The following AGAP1 variants were observed in gnomAD, a reference collection of about 807,000 sequenced individuals.
AGAP1 encodes the protein arf-GAP with GTPase, ANK repeat and PH domain-containing protein 1.
In AGAP1, 29 loss-of-function variants were observed where a neutral mutation model predicts 105.3. The observed-to-expected ratio is 0.28, with a 90% CI of 0.21 to 0.38. The LOEUF (loss-of-function observed/expected upper bound fraction) is 0.38. AGAP1 is among the 10% of genes least tolerant of loss of function. AGAP1 has a pLI of 1.00. For missense variants in AGAP1, 998 were observed against 1,165.1 expected (o/e 0.86, Z 2.09); for synonymous variants, 509 against 485.9 (o/e 1.05, Z -0.63).
rs538844082 is a variant in AGAP1 at position 235,843,034 on chromosome 2, G to A, written c.1050+35703G>A. Among the ~76,000 whole-genome samples, 5 of 152,336 alleles carry A rather than the reference G, an allele frequency of 3.3e-5. No individual in the cohort carries two copies. In the South Asian group the frequency reaches 8.3e-4, roughly 25 times the overall value. ...TAGCTGCCGTGCCCGGCCCGTGTGAGATTTGATGTGAAGTTGAGGACACGG... is the reference window on the plus strand; with the variant it reads ...TAGCTGCCGTGCCCGGCCCGTGTGAAATTTGATGTGAAGTTGAGGACACGG... On this transcript the variant is annotated intron_variant, in intron 9 of 17. Transcript: ENST00000304032. This position sits in a 1 kb window ranked among gnomAD's most constrained non-coding sequence, Gnocchi z 5.9.
rs1349077483 is a variant in AGAP1 at position 235,751,771 on chromosome 2, T to A, written c.673+1283T>A. ...TACCTGTTTTTCAGCACGTTGGTCC[T>A]AGTTACTGCTTCATGGCTTAGGTTT... On this transcript the variant is annotated intron_variant, in intron 6 of 17. Transcript: ENST00000304032. The surrounding 1 kb of genome is among the most constrained non-coding windows in gnomAD (Gnocchi z 5.3). 6.6e-6 allele frequency among the ~76,000 whole-genome samples: 1 copy of A among 152,206 alleles called. No homozygotes were observed. The highest frequency in any genetic ancestry group is 1.5e-5 in the Non-Finnish European group (1 of 68,042).
chr2:235,978,434 T>C (rs902685318), intron 13 of AGAP1, among the ~76,000 whole-genome samples: 6 of 152,212 alleles, frequency 3.9e-5, no homozygotes, highest in African/African-American at 1.4e-4. Flanking sequence ...CATCATCCAG[T>C]GCAAAGGAAG....
At chr2:236,063,356 G>T (rs1466769577) in intron 16 of AGAP1, among the ~76,000 whole-genome samples, 1 of 152,204 alleles carries the variant, frequency 6.6e-6, no homozygotes, top group Non-Finnish European at 1.5e-5. Context: ...CTCCCAAAGT[G>T]CTGGGATTAC....
intron 9 of AGAP1, among the ~76,000 whole-genome samples, chr2:235,827,639 C>T (rs575225215): frequency 1.4e-4 from 21 of 152,302 alleles, no homozygotes; most frequent in Admixed American, 1.1e-3. Context: ...CCCCATTCTA[C>T]CCTCTGAGCA....
At chr2:235,822,855 G>A (rs548555940) in intron 9 of AGAP1, among the ~76,000 whole-genome samples, 3 of 152,266 alleles carry the variant, frequency 2.0e-5, no homozygotes, top group East Asian at 3.9e-4. Context: ...GGACCCCGAC[G>A]GGTGGGCATG....
chr2:235,590,055 G>T (rs1945276322), intron 1 of AGAP1, among the ~76,000 whole-genome samples: 1 of 151,868 alleles, frequency 6.6e-6, no homozygotes, highest in South Asian at 2.1e-4. Context: ...TAATTTTTGT[G>T]TTTTTAGTAG....
At chr2:235,894,631 A>G (rs929765218) in intron 10 of AGAP1, among the ~76,000 whole-genome samples, 1 of 113,464 alleles carries the variant, frequency 8.8e-6, no homozygotes, top group Non-Finnish European at 1.9e-5. Context: ...ACACATGCAC[A>G]TGTACACACA....
rs952603530 is a variant in AGAP1, at chr2:235,720,715, G to A, written c.310+3071G>A. On this transcript the variant is annotated intron_variant, in intron 3 of 17. Coordinates refer to ENST00000304032, the MANE Select transcript of AGAP1 (RefSeq NM_001037131.3). The surrounding 1 kb of genome is among the most constrained non-coding windows in gnomAD (Gnocchi z 5.0). Reference sequence around the variant, plus strand: ...CCTGTTCTTCTGATTTAATTAGTGCGTGAGTATCCTTTATGTCATAATCCT... The same window carrying A: ...CCTGTTCTTCTGATTTAATTAGTGCATGAGTATCCTTTATGTCATAATCCT... 49 of 984,984 alleles carry A rather than the reference G, an allele frequency of 5.0e-5. No individual in the cohort carries two copies. Among genetic ancestry groups the A allele is most frequent in the Non-Finnish European group, 5.8e-5 (48 of 829,706 alleles). 61.0% of individuals were successfully genotyped at this position (984,984 alleles called of 1,614,324 possible). A position where few individuals can be genotyped will look rare whatever the true frequency, so the allele number is the denominator to read the frequency against.
chr2:235,794,925 A>G (rs1236412094), intron 6 of AGAP1, among the ~76,000 whole-genome samples: 1 of 152,228 alleles, frequency 6.6e-6, no homozygotes. Context: ...TTTCTTGGAT[A>G]ATCAAATATA....
At position 235,877,022 on chromosome 2, in the gene AGAP1, A is replaced by G. The variant is rs1296170112; in HGVS notation, c.1051-6323A>G. ...ACCACCATGCTCGGCTAATTTTTGT[A>G]TTTTTAGTAGAGTTGGGGCTTCACC... On this transcript the variant is annotated intron_variant, in intron 9 of 17. Transcript: ENST00000304032. The surrounding 1 kb of genome is among the most constrained non-coding windows in gnomAD (Gnocchi z 4.3). Among the ~76,000 whole-genome samples the G allele has an allele frequency of 6.6e-6, 1 of 151,512 alleles. No homozygotes were observed.
At chr2:235,991,525 C>T (rs1000021552) in intron 13 of AGAP1, among the ~76,000 whole-genome samples, 2 of 152,160 alleles carry the variant, frequency 1.3e-5, no homozygotes, top group African/African-American at 2.4e-5. Context: ...GCCTGGGCAT[C>T]CCAGTGAGAC....
chr2:236,117,809 G>T (rs1312122624), intron 16 of AGAP1, among the ~76,000 whole-genome samples: 1 of 152,146 alleles, frequency 6.6e-6, no homozygotes. Flanking sequence ...AATAGTATCA[G>T]AACTGCTTCT....
At chr2:235,854,307 C>T (rs975810560) in intron 9 of AGAP1, among the ~76,000 whole-genome samples, 10 of 152,214 alleles carry the variant, frequency 6.6e-5, no homozygotes, top group Non-Finnish European at 1.3e-4. Flanking sequence ...CCCGCTCCTC[C>T]CCCGCATCCA....
At chr2:236,013,607 G>A (rs1476545071) in intron 13 of AGAP1, among the ~76,000 whole-genome samples, 1 of 151,988 alleles carries the variant, frequency 6.6e-6, no homozygotes, top group Non-Finnish European at 1.5e-5. Flanking sequence ...GATAAGTGCT[G>A]CTCACCTGCA....
At chr2:235,852,379 C>T (rs924868269) in intron 9 of AGAP1, among the ~76,000 whole-genome samples, 3 of 151,488 alleles carry the variant, frequency 2.0e-5, no homozygotes, top group Non-Finnish European at 2.9e-5. Flanking sequence ...CTAGCGTGCG[C>T]GGAGGGGGCT....
chr2:235,722,369 A>G (rs1951430976), intron 3 of AGAP1, among the ~76,000 whole-genome samples: 1 of 152,220 alleles, frequency 6.6e-6, no homozygotes, highest in Admixed American at 6.5e-5. Flanking sequence ...TAGTGCGTGA[A>G]TATACTTTAT....
intron 9 of AGAP1, among the ~76,000 whole-genome samples, chr2:235,876,557 C>T (rs1011031860): frequency 2.6e-5 from 4 of 152,164 alleles, no homozygotes; most frequent in African/African-American, 7.2e-5. Flanking sequence ...GGGCACCAGC[C>T]CCCCAGTGCT....
intron 11 of AGAP1, among the ~76,000 whole-genome samples, chr2:235,914,865 C>G (rs1442296811): frequency 1.3e-5 from 2 of 152,184 alleles, no homozygotes; most frequent in East Asian, 1.9e-4. Context: ...CACCAACACC[C>G]CCAGGAGAGC....
At chr2:235,579,156 G>A (rs371267870) in intron 1 of AGAP1, among the ~76,000 whole-genome samples, 1 of 152,248 alleles carries the variant, frequency 6.6e-6, no homozygotes, top group South Asian at 2.1e-4. Context: ...TAAAACTTTC[G>A]TATAAGGGCG....
Sources: allele counts gnomAD v4.1 joint callset (sites outside exome capture counted in the v4.1 genomes callset), GRCh38; gene constraint gnomAD v4.1.1; non-coding constraint Gnocchi (gnomAD v3.1); transcripts MANE v1.5; gene names NCBI Gene and HGNC (gene_info 2026-07-23, HGNC 2026-07-21).